The following PTPN4 variants were observed in gnomAD, a reference collection of about 807,000 sequenced individuals.
The protein encoded by PTPN4 is protein tyrosine phosphatase non-receptor type 4.
Under a neutral mutation model 135.5 loss-of-function variants are expected in PTPN4, and 49 were observed. The ratio of observed to expected loss-of-function variants is 0.36; its 90% CI spans 0.29 to 0.46. The LOEUF (loss-of-function observed/expected upper bound fraction) is 0.46. Ranked by LOEUF, PTPN4 falls within the 20% of genes least tolerant of loss-of-function variation. The pLI is 1.00. For synonymous variants in PTPN4, 333 were observed against 369.9 expected, an observed-to-expected ratio of 0.90 and a Z score of 1.14; for missense variants, 860 against 1,101.0, an observed-to-expected ratio of 0.78 and a Z score of 3.10.
chr2:119,854,219 C>G (rs761020876), intron 2 of PTPN4, among the ~76,000 whole-genome samples: 1 of 152,126 alleles, frequency 6.6e-6, no homozygotes, highest in Admixed American at 6.5e-5. Context: ...AGCCATGACA[C>G]TTGGCACACA....
chr2:119,977,415 C>T lies in PTPN4; in HGVS notation c.*345C>T. On this transcript the variant is annotated 3_prime_UTR_variant, in exon 27 of 27. Coordinates refer to ENST00000263708, the MANE Select transcript of PTPN4 (RefSeq NM_002830.4). ...AAATTCTCATCATCTCTGTTATACA[C>T]CTGTATCATGAAAGCAAAAAGAAGT... 5.7e-6 allele frequency: 1 copy of T among 175,616 alleles called. No homozygotes were observed. Among genetic ancestry groups the T allele is most frequent in the Non-Finnish European group, 1.2e-5 (1 of 84,674 alleles). The allele number at this position is 175,616 out of a possible 1,614,324, so 10.9% of individuals were successfully genotyped here.
chr2:119,919,408 AATT>A (rs1255307429), intron 11 of PTPN4, among the ~76,000 whole-genome samples: 3 of 152,208 alleles, frequency 2.0e-5, no homozygotes, highest in African/African-American at 7.2e-5. Flanking sequence ...TTTAACATTT[AATT>A]TATGGCCTAG....
chr2:119,848,834 C>G (rs895358723), intron 2 of PTPN4, among the ~76,000 whole-genome samples: 2 of 151,848 alleles, frequency 1.3e-5, no homozygotes, highest in Non-Finnish European at 2.9e-5. Context: ...CTTCTGACCT[C>G]GTGATCCACC....
At chr2:119,916,738 T>G (rs1231394360) in intron 11 of PTPN4, 3 of 152,224 alleles carry the variant, frequency 2.0e-5, no homozygotes, top group Non-Finnish European at 4.4e-5. Context: ...TTGCTTATAT[T>G]TGAACTTTAA....
intron 26 of PTPN4, among the ~76,000 whole-genome samples, chr2:119,973,993 A>C (rs1479223305): frequency 3.3e-5 from 5 of 152,136 alleles, no homozygotes; most frequent in Non-Finnish European, 7.3e-5. Flanking sequence ...GAGAAACTTC[A>C]TATCTACTAT....
intron 1 of PTPN4, among the ~76,000 whole-genome samples, chr2:119,804,614 C>CT (rs558781021): frequency 6.6e-6 from 1 of 152,196 alleles, no homozygotes; most frequent in African/African-American, 2.4e-5. Context: ...TGAACTCATC[C>CT]TTTTTTATGG....
At chr2:119,916,380 TAAAG>T (rs1444302047) in intron 11 of PTPN4, 5 of 152,026 alleles carry the variant, frequency 3.3e-5, no homozygotes, top group Admixed American at 1.3e-4. Context: ...TCTTGAAAAA[TAAAG>T]AAAGTCTTTG....
At chr2:119,864,027 C>T (rs949214514) in intron 3 of PTPN4, among the ~76,000 whole-genome samples, 1 of 152,150 alleles carries the variant, frequency 6.6e-6, no homozygotes, top group Admixed American at 6.5e-5. Context: ...CCAGGATACA[C>T]TTGCAAGTTG....
At chr2:119,847,330 T>TATA (rs1411556668) in intron 2 of PTPN4, among the ~76,000 whole-genome samples, 64 of 72,618 alleles carry the variant, frequency 8.8e-4, no homozygotes, top group Middle Eastern at 5.4e-3. Flanking sequence ...ATATATATAT[T>TATA]TTTTTTTTTT....
intron 26 of PTPN4, among the ~76,000 whole-genome samples, chr2:119,969,552 CTT>C (rs35531556): frequency 6.1e-5 from 7 of 113,858 alleles, no homozygotes; most frequent in African/African-American, 2.1e-4. Flanking sequence ...TAATCAATTT[CTT>C]TTTTTTTTTT....
chr2:119,933,366 G>T (rs1025812994), intron 14 of PTPN4, among the ~76,000 whole-genome samples: 3 of 152,054 alleles, frequency 2.0e-5, no homozygotes, highest in Non-Finnish European at 4.4e-5. Flanking sequence ...ACACATTAAT[G>T]TTTAATAAAT....
chr2:119,822,452 G>A (rs941105192), intron 2 of PTPN4, among the ~76,000 whole-genome samples: 6 of 149,166 alleles, frequency 4.0e-5, no homozygotes, highest in African/African-American at 1.5e-4. Context: ...TCCACCTTGC[G>A]GGTTCAAGTG....
At chr2:119,966,477 C>T (rs1484603754) in intron 25 of PTPN4, among the ~76,000 whole-genome samples, 2 of 152,136 alleles carry the variant, frequency 1.3e-5, no homozygotes, top group Admixed American at 6.5e-5. Context: ...AGGCTGGTCT[C>T]GAACTCCTGG....
chr2:119,946,255 G>T, intron 16 of PTPN4, 86 bp from the exon 17 acceptor site: 1 of 1,011,920 alleles, frequency 9.9e-7, no homozygotes. Context: ...CATAATATAA[G>T]CATACAAAAA....
At chr2:119,830,089 A>G (rs1677197517) in intron 2 of PTPN4, among the ~76,000 whole-genome samples, 1 of 151,990 alleles carries the variant, frequency 6.6e-6, no homozygotes. Flanking sequence ...CTGCATAATA[A>G]TGTTTCATGG....
intron 25 of PTPN4, 49 bp from the exon 26 acceptor site, chr2:119,967,788 T>G: frequency 7.0e-7 from 1 of 1,436,616 alleles, no homozygotes; most frequent in Non-Finnish European, 9.3e-7. Context: ...CCACAAGTAG[T>G]TTAACAGAAT....
intron 15 of PTPN4, among the ~76,000 whole-genome samples, chr2:119,944,762 C>G (rs774235678): frequency 1.2e-4 from 18 of 152,104 alleles, no homozygotes; most frequent in Non-Finnish European, 2.4e-4. Flanking sequence ...TACCTTATTC[C>G]TGGCTACCCG....
chr2:119,882,075 T>C, intron 6 of PTPN4, 22 bp from the exon 7 acceptor site: 1 of 1,581,450 alleles, frequency 6.3e-7, no homozygotes. Flanking sequence ...TTCGGTTGTG[T>C]ATTTTTGTTT....
At chr2:119,894,094 T>C (rs1678282898) in intron 9 of PTPN4, among the ~76,000 whole-genome samples, 2 of 152,174 alleles carry the variant, frequency 1.3e-5, no homozygotes, top group Admixed American at 6.5e-5. Flanking sequence ...ATCTCCACTT[T>C]ACAGATGAGG....
Sources: gnomAD v4.1 joint callset for allele counts (sites outside exome capture counted in the v4.1 genomes callset) on GRCh38, gnomAD v4.1.1 for gene constraint, MANE v1.5 for transcripts, NCBI Gene and HGNC (gene_info 2026-07-23, HGNC 2026-07-21) for gene names.